The following P4HA2 variants were observed in gnomAD, a reference collection of about 807,000 sequenced individuals.
The protein encoded by P4HA2 is prolyl 4-hydroxylase subunit alpha 2.
A neutral mutation model predicts 76.9 loss-of-function variants in P4HA2; 46 were observed. The ratio of observed to expected loss-of-function variants is 0.60; its 90% CI spans 0.47 to 0.76. P4HA2 has a LOEUF of 0.76. Among genes scored for constraint, P4HA2 ranks in the 30% least tolerant of loss-of-function variants. P4HA2 has a pLI of 0.00. For synonymous variants in P4HA2, 243 were observed against 254.0 expected (o/e 0.96, Z 0.41); for missense variants, 583 against 669.4 (o/e 0.87, Z 1.42).
At chr5:132,212,995 C>G (rs1753298453) in intron 5 of P4HA2, among the ~76,000 whole-genome samples, 1 of 152,146 alleles carries the variant, frequency 6.6e-6, no homozygotes. Context: ...CACAGTGAAT[C>G]GCTGGGGTTA....
At chr5:132,197,906 A>G (rs1439384926) in intron 12 of P4HA2, 2 of 606,140 alleles carry the variant, frequency 3.3e-6, no homozygotes, top group Admixed American at 6.3e-5. Context: ...ATACCACTGA[A>G]CCGTACATTT....
At chr5:132,211,098 G>GT (rs1212786286) in intron 5 of P4HA2, among the ~76,000 whole-genome samples, 20 of 152,196 alleles carry the variant, frequency 1.3e-4, no homozygotes, top group Non-Finnish European at 2.9e-5. Context: ...CGGGAGTGGT[G>GT]TGAGAGACAC....
At chr5:132,225,944 G>A (rs924804549) in intron 1 of P4HA2, among the ~76,000 whole-genome samples, 1 of 152,130 alleles carries the variant, frequency 6.6e-6, no homozygotes, top group South Asian at 2.1e-4. Context: ...CTTGCTACGT[G>A]GCTTCATTGG....
chr5:132,212,017 G>A (rs995533953), intron 5 of P4HA2, among the ~76,000 whole-genome samples: 23 of 152,194 alleles, frequency 1.5e-4, no homozygotes, highest in African/African-American at 5.3e-4. Flanking sequence ...GAGCCAACTC[G>A]AATGTCTACT....
At chr5:132,207,910 T>C in intron 7 of P4HA2, 26 bp from the exon 8 acceptor site, 1 of 1,524,196 alleles carries the variant, frequency 6.6e-7, no homozygotes, top group Non-Finnish European at 8.8e-7. Context: ...TAACAGGCCC[T>C]GAGCTGAGTG....
chr5:132,195,090 T>A lies in P4HA2; in HGVS notation c.1435-68A>T. On this transcript the variant is annotated intron_variant, in intron 13 of 14. Transcript: ENST00000360568. ...GTGCTCAGGGACCTGACTGCAAGCA[T>A]CACAGAAGCTCTGCCCTGAGCAGAA... is the stretch of plus-strand genomic sequence containing the variant. 3 of 1,045,848 alleles carry A rather than the reference T, an allele frequency of 2.9e-6. No individual in the cohort carries two copies. The South Asian group carries it at 3.8e-5, about 13-fold the overall frequency. The allele number at this position is 1,045,848 out of a possible 1,614,324, so 64.8% of individuals were successfully genotyped here.
At chr5:132,198,960 G>C in intron 10 of P4HA2, 28 bp from the exon 11 acceptor site, 1 of 1,530,562 alleles carries the variant, frequency 6.5e-7, no homozygotes. Flanking sequence ...ATTAGACCTT[G>C]TAAGCAGCAT....
At chr5:132,204,902 G>GTT in intron 8 of P4HA2, among the ~76,000 whole-genome samples, 1 of 152,356 alleles carries the variant, frequency 6.6e-6, no homozygotes, top group Admixed American at 6.5e-5. Flanking sequence ...AAACCCCAAG[G>GTT]GGGACTCGCC....
Position 132,217,263 on chromosome 5 carries a change from G to C in P4HA2, c.265C>G (p.Leu89Val). Residue 89 changes from leucine (L) to valine (V), a missense_variant, in exon 4 of 15, where the codon CTG (leucine) becomes GTG (valine). By Grantham distance (32) the Leu-to-Val change is conservative. Transcript: ENST00000360568. ...CAGTCTGTGTTTAGCCGCTTCACCA[G>C]TTTGTAGGCATTCACAGGGTGAGCC... ...YLAHPVNAYK[L>V]VKRLNTDWPA... The C allele has an allele frequency of 6.2e-7, 1 of 1,614,192 alleles. No individual in the cohort carries two copies. Among genetic ancestry groups the C allele is most frequent in the Middle Eastern group, 1.6e-4 (1 of 6,062 alleles).
At chr5:132,215,907 A>G (rs548077169) in intron 4 of P4HA2, among the ~76,000 whole-genome samples, 1 of 148,252 alleles carries the variant, frequency 6.7e-6, no homozygotes, top group Non-Finnish European at 1.5e-5. Flanking sequence ...CACACCTGTA[A>G]TCCCAGCACT....
intron 12 of P4HA2, among the ~76,000 whole-genome samples, chr5:132,196,194 T>C (rs2126532416): frequency 6.6e-6 from 1 of 152,326 alleles, no homozygotes; most frequent in East Asian, 1.9e-4. Flanking sequence ...GTAAAAAATA[T>C]TTCCACAGGA....
intron 8 of P4HA2, among the ~76,000 whole-genome samples, chr5:132,206,460 T>G (rs1305987178): frequency 6.6e-6 from 1 of 152,140 alleles, no homozygotes; most frequent in Non-Finnish European, 1.5e-5. Context: ...ATTTCAGGTC[T>G]CTCCATGAGT....
chr5:132,195,528 G>A, intron 12 of P4HA2, 48 bp from the exon 13 acceptor site: 1 of 1,372,614 alleles, frequency 7.3e-7, no homozygotes, highest in Non-Finnish European at 1.0e-6. Flanking sequence ...AAGGCTCTCA[G>A]AGCAATTGAG....
intron 13 of P4HA2, 167 bp from the exon 14 acceptor site, chr5:132,195,189 C>A: frequency 1.6e-6 from 1 of 640,176 alleles, no homozygotes. Context: ...CAGAAAGCAC[C>A]TACCTTTCTG....
intron 12 of P4HA2, chr5:132,197,980 G>A: frequency 2.0e-6 from 2 of 984,434 alleles, no homozygotes; most frequent in Non-Finnish European, 2.4e-6. Flanking sequence ...AAACACTGGG[G>A]AAAAAAATAG....
At chr5:132,215,849 TTAA>T (rs1753775922) in intron 4 of P4HA2, among the ~76,000 whole-genome samples, 2 of 51,250 alleles carry the variant, frequency 3.9e-5, no homozygotes, top group Non-Finnish European at 3.6e-5. Context: ...CCCTGTCCCT[TTAA>T]AAAAAAAAAA....
At position 132,198,136 on chromosome 5, in the gene P4HA2, G is replaced by T. The variant is rs1305529790; in HGVS notation, c.1365+185C>A. On this transcript the variant is annotated intron_variant, in intron 12 of 14. Transcript: ENST00000360568. Reference sequence around the variant, plus strand: ...ACAGCAGATGAGATCAGCCCTGATGGGGGTGGGATATAAGGCAGCCCTCTG... The same window carrying T: ...ACAGCAGATGAGATCAGCCCTGATGTGGGTGGGATATAAGGCAGCCCTCTG... 4 of 1,604,404 alleles carry T rather than the reference G, an allele frequency of 2.5e-6. No individual in the cohort carries two copies. In the East Asian group the frequency reaches 9.0e-5, roughly 36 times the overall value.
chr5:132,224,760 T>C (rs1207317392), intron 1 of P4HA2, among the ~76,000 whole-genome samples: 1 of 152,130 alleles, frequency 6.6e-6, no homozygotes, highest in Non-Finnish European at 1.5e-5. Flanking sequence ...CTTATATGCC[T>C]CTGACCTGCT....
chr5:132,221,484 G>A (rs928331982), intron 1 of P4HA2, among the ~76,000 whole-genome samples: 6 of 152,224 alleles, frequency 3.9e-5, no homozygotes, highest in East Asian at 1.9e-4. Flanking sequence ...TTTTTATGGA[G>A]TATATTAAAA....
Sources: gnomAD v4.1 joint callset for allele counts (sites outside exome capture counted in the v4.1 genomes callset) on GRCh38, gnomAD v4.1.1 for gene constraint, MANE v1.5 for transcripts, NCBI Gene and HGNC (gene_info 2026-07-23, HGNC 2026-07-21) for gene names.